Variants in LOXL2 observed in about 807,000 individuals in gnomAD.
LOXL2 encodes the protein lysyl oxidase homolog 2.
A neutral mutation model predicts 93.0 loss-of-function variants in LOXL2; 70 were observed. The ratio of observed to expected loss-of-function variants is 0.75; its 90% CI spans 0.62 to 0.92. LOXL2 has a LOEUF of 0.92. LOXL2 is among the 40% of genes least tolerant of loss of function. The pLI is 0.00. For missense variants in LOXL2, 973 were observed against 1,054.9 expected (o/e 0.92, Z 1.08); for synonymous variants, 438 against 413.2 (o/e 1.06, Z -0.73).
intron 12 of LOXL2, 51 bp downstream of exon 12, chr8:23,301,976 G>A (rs1232148819): frequency 6.2e-7 from 1 of 1,607,556 alleles, no homozygotes; most frequent in East Asian, 2.2e-5. Flanking sequence ...CTGTGGAGGT[G>A]GCCTCCCCTC....
At chr8:23,364,194 G>C (rs989624051) in intron 2 of LOXL2, 2 of 152,094 alleles carry the variant, frequency 1.3e-5, no homozygotes, top group Non-Finnish European at 2.9e-5. Context: ...TCCCTCTACA[G>C]GCTTAGTGCT....
intron 3 of LOXL2, among the ~76,000 whole-genome samples, chr8:23,345,457 G>C (rs1378198580): frequency 1.3e-5 from 2 of 152,232 alleles, no homozygotes; most frequent in Non-Finnish European, 1.5e-5. Flanking sequence ...GTGTACGTGA[G>C]GGGAGAGCTG....
chr8:23,390,572 C>T (rs557324782), intron 1 of LOXL2, among the ~76,000 whole-genome samples: 3 of 152,214 alleles, frequency 2.0e-5, no homozygotes, highest in African/African-American at 4.8e-5. Context: ...CCCCGCAGCC[C>T]ACCGCTGGCT....
At chr8:23,382,595 T>A (rs1804695931) in intron 1 of LOXL2, 1 of 151,424 alleles carries the variant, frequency 6.6e-6, no homozygotes, top group Non-Finnish European at 1.5e-5. Flanking sequence ...GACTTTATCC[T>A]CACTTTTTCC....
intron 1 of LOXL2, among the ~76,000 whole-genome samples, chr8:23,381,715 A>T (rs68028202): frequency 6.6e-6 from 1 of 151,884 alleles, no homozygotes; most frequent in Non-Finnish European, 1.5e-5. Context: ...TATCCTTCCA[A>T]CCTCAGGGAG....
rs374669743 is a variant in LOXL2 at position 23,344,407 on chromosome 8, GTGTC to G, written c.532-3208_532-3205del. ...CTGTGTGTGTGTGGTGTGTATCTCT[GTGTC>G]TGTGTGTGTGCATGGTGGTGTGTGC... On this transcript the variant is annotated intron_variant, in intron 3 of 13. Transcript: ENST00000389131. Among the ~76,000 whole-genome samples the G allele has an allele frequency of 1.1e-4, 16 of 152,006 alleles. No individual in the cohort carries two copies. The East Asian group carries it at 1.7e-3, about 17-fold the overall frequency.
intron 6 of LOXL2, among the ~76,000 whole-genome samples, chr8:23,325,033 C>G (rs1803554737): frequency 6.6e-6 from 1 of 152,190 alleles, no homozygotes; most frequent in African/African-American, 2.4e-5. Context: ...CTATTGAGCA[C>G]TTGAAATGTA....
In LOXL2 at chr8:23,297,950, G is replaced by A; in HGVS notation, c.*93C>T. 9.5e-7 allele frequency: 1 copy of A among 1,055,708 alleles called. No individual in the cohort carries two copies. Among genetic ancestry groups the A allele is most frequent in the Non-Finnish European group, 1.4e-6 (1 of 694,226 alleles). The allele number at this position is 1,055,708 out of a possible 1,614,324, so 65.4% of individuals were successfully genotyped here. ...AGGGTGGGGGCCGGGCTGGGTGAGGGCACGTGGCATTCGTTCAGACTCAGT... is the reference window on the plus strand; with the variant it reads ...AGGGTGGGGGCCGGGCTGGGTGAGGACACGTGGCATTCGTTCAGACTCAGT... On this transcript the variant is annotated 3_prime_UTR_variant, in exon 14 of 14. Coordinates refer to ENST00000389131, the MANE Select transcript of LOXL2 (RefSeq NM_002318.3).
rs149595624 is a variant in LOXL2, at chr8:23,342,038, TC to T, written c.532-836del. Among the ~76,000 whole-genome samples the T allele has an allele frequency of 5.5e-3, 839 of 152,222 alleles. 50 individuals carry two copies. In the East Asian group the frequency reaches 0.13, roughly 24 times the overall value. ...AGGCTGGGGTCAGGGTTGGAAAGAT[TC>T]ATTGGCAGGGCCCTTTGGGAGGAAG... On this transcript the variant is annotated intron_variant, in intron 3 of 13. Transcript: ENST00000389131.
chr8:23,389,387 T>C (rs896916785), intron 1 of LOXL2, among the ~76,000 whole-genome samples: 3 of 152,176 alleles, frequency 2.0e-5, no homozygotes, highest in Non-Finnish European at 4.4e-5. Context: ...TAAAAAGGCA[T>C]TCTGTGTTAT....
intron 4 of LOXL2, among the ~76,000 whole-genome samples, chr8:23,335,176 C>T (rs778813958): frequency 6.6e-6 from 1 of 152,058 alleles, no homozygotes; most frequent in East Asian, 1.9e-4. Flanking sequence ...GTAAGGAGGC[C>T]GTGGCAGGAG....
Position 23,357,091 on chromosome 8 carries a change from G to A in LOXL2, c.531+2999C>T, listed in dbSNP as rs138076715. 2.9e-3 allele frequency among the ~76,000 whole-genome samples: 443 copies of A among 150,878 alleles called. 9 individuals carry two copies. The East Asian group carries it at 0.051, about 17-fold the overall frequency. On this transcript the variant is annotated intron_variant, in intron 3 of 13. Transcript: ENST00000389131. ...CAGTCTTCTTTTTTTTTTTTTAGAC[G>A]GAGTCTCGCTGTTGTTGGCTCAGGC... is the stretch of plus-strand genomic sequence containing the variant.
At chr8:23,358,446 T>A (rs1385545256) in intron 3 of LOXL2, among the ~76,000 whole-genome samples, 2 of 152,210 alleles carry the variant, frequency 1.3e-5, no homozygotes, top group Non-Finnish European at 2.9e-5. Flanking sequence ...AGTAGGGCAA[T>A]TTCAAGTCAC....
intron 12 of LOXL2, among the ~76,000 whole-genome samples, chr8:23,301,458 C>T (rs1443010468): frequency 6.6e-6 from 1 of 152,202 alleles, no homozygotes; most frequent in Non-Finnish European, 1.5e-5. Flanking sequence ...AGTCACCTGG[C>T]CAGGCTGTGT....
chr8:23,307,241 G>A (rs770678885), intron 10 of LOXL2, among the ~76,000 whole-genome samples: 1 of 152,172 alleles, frequency 6.6e-6, no homozygotes, highest in African/African-American at 2.4e-5. Flanking sequence ...CCAGGATCCT[G>A]TTCCTCCCAC....
intron 3 of LOXL2, among the ~76,000 whole-genome samples, chr8:23,345,260 G>T (rs903295052): frequency 2.0e-5 from 3 of 152,204 alleles, no homozygotes; most frequent in Non-Finnish European, 4.4e-5. Context: ...AATGACCACT[G>T]GTCTCTGAGC....
At chr8:23,396,347 C>A (rs1800089090) in intron 1 of LOXL2, among the ~76,000 whole-genome samples, 1 of 151,358 alleles carries the variant, frequency 6.6e-6, no homozygotes, top group Admixed American at 6.6e-5. Flanking sequence ...AACAAACAAA[C>A]AAACAAAAAA....
chr8:23,392,002 G>A (rs1008567152), intron 1 of LOXL2, among the ~76,000 whole-genome samples: 1 of 152,170 alleles, frequency 6.6e-6, no homozygotes, highest in Admixed American at 6.5e-5. Flanking sequence ...CCTCATGTGA[G>A]GCTCATGACA....
chr8:23,320,900 C>CCT (rs5890096), intron 7 of LOXL2, among the ~76,000 whole-genome samples: 109,981 of 151,768 alleles, frequency 0.72, 39,990 homozygotes, highest in Non-Finnish European at 0.76. Flanking sequence ...AGAGCAAGAC[C>CCT]GTCTCAAAAA....
Sources: gnomAD v4.1 joint callset for allele counts (sites outside exome capture counted in the v4.1 genomes callset) on GRCh38, gnomAD v4.1.1 for gene constraint, MANE v1.5 for transcripts, NCBI Gene and HGNC (gene_info 2026-07-23, HGNC 2026-07-21) for gene names.